The following CD200R1L variants were observed in gnomAD, a reference collection of about 807,000 sequenced individuals.
The protein encoded by CD200R1L is cell surface glycoprotein CD200 receptor 2.
In CD200R1L, 14 loss-of-function variants were observed where a neutral mutation model predicts 24.8. That is an observed-to-expected ratio of 0.56 (90% CI 0.37 to 0.88). The LOEUF is 0.88. Among genes scored for constraint, CD200R1L ranks in the 40% least tolerant of loss-of-function variants. The probability of loss-of-function intolerance (pLI) is 0.00; values close to 1 mark genes in which losing one functional copy is unlikely to be tolerated. For missense variants in CD200R1L, 299 were observed against 297.8 expected (o/e 1.00, Z -0.03); for synonymous variants, 111 against 109.2 (o/e 1.02, Z -0.11).
intron 4 of CD200R1L, among the ~76,000 whole-genome samples, chr3:112,828,392 G>A (rs556385426): frequency 3.3e-5 from 5 of 151,716 alleles, no homozygotes; most frequent in African/African-American, 4.8e-5. Context: ...TCCCATGTAA[G>A]TAAAAAAAAA....
intron 2 of CD200R1L, among the ~76,000 whole-genome samples, chr3:112,840,428 AAAC>A (rs528314940): frequency 1.0e-3 from 153 of 152,324 alleles, no homozygotes; most frequent in African/African-American, 3.2e-3. Context: ...ACACACTTTT[AAAC>A]AACCAGATCT....
Position 112,815,717 on chromosome 3 carries a change from G to C in CD200R1L, c.*246C>G. On this transcript the variant is annotated 3_prime_UTR_variant, in exon 8 of 8. Coordinates refer to ENST00000488794, the MANE Select transcript of CD200R1L (RefSeq NM_001199215.3). ...GTAAAACCAAAAATAACACTGGCAT[G>C]AACAAAATTTTATTCACTCTAACAC... is the stretch of plus-strand genomic sequence containing the variant. The C allele has an allele frequency of 2.1e-6, 1 of 468,986 alleles. No homozygotes were observed. The highest frequency in any genetic ancestry group is 3.9e-6 in the Non-Finnish European group (1 of 258,636). 29.1% of individuals were successfully genotyped at this position (468,986 alleles called of 1,614,324 possible). A position where few individuals can be genotyped will look rare whatever the true frequency, so the allele number is the denominator to read the frequency against.
chr3:112,841,789 G>A (rs1302483005), intron 2 of CD200R1L, among the ~76,000 whole-genome samples: 4 of 152,166 alleles, frequency 2.6e-5, no homozygotes, highest in African/African-American at 9.7e-5. Flanking sequence ...AACACCTGGT[G>A]CTCAATCCTG....
intron 3 of CD200R1L, among the ~76,000 whole-genome samples, chr3:112,835,266 G>GA (rs1938909894): frequency 6.6e-6 from 1 of 152,138 alleles, no homozygotes; most frequent in Non-Finnish European, 1.5e-5. Context: ...GTGTCCTGAT[G>GA]AGTGTTTGGT....
chr3:112,824,185 G>T (rs1438147923), intron 6 of CD200R1L, among the ~76,000 whole-genome samples: 1 of 152,080 alleles, frequency 6.6e-6, no homozygotes, highest in African/African-American at 2.4e-5. Context: ...GAAAGAAAAA[G>T]ACTCAGATGT....
rs767820507 is a variant in CD200R1L at position 112,827,400 on chromosome 3, T to C, written c.334A>G (p.Asn112Asp). The change falls in exon 5 of 8, where the codon AAT becomes GAT. Residue 112 changes from asparagine (N) to aspartate (D), a missense_variant. Asn to Asp is a conservative substitution (Grantham distance 23, BLOSUM62 1). Transcript: ENST00000488794. ...YRGIVVTPDG[N>D]FHRGYHLQVL... ...TGGAGGTGATATCCACGATGGAAATTCCCATCAGGTGTTACCACTATGCCT... is the reference window on the plus strand; with the variant it reads ...TGGAGGTGATATCCACGATGGAAATCCCCATCAGGTGTTACCACTATGCCT... The C allele has an allele frequency of 1.9e-6, 3 of 1,614,018 alleles. No homozygotes were observed. The Admixed American group carries it at 5.0e-5, about 27-fold the overall frequency.
chr3:112,827,837 T>C (rs1412462240), intron 4 of CD200R1L, among the ~76,000 whole-genome samples, 153 bp from the exon 5 acceptor site: 1 of 152,154 alleles, frequency 6.6e-6, no homozygotes, highest in African/African-American at 2.4e-5. Context: ...GAAAATAACA[T>C]TCACAAAATA....
At chr3:112,835,729 C>T (rs1362195634) in intron 3 of CD200R1L, among the ~76,000 whole-genome samples, 2 of 152,238 alleles carry the variant, frequency 1.3e-5, no homozygotes, top group Non-Finnish European at 1.5e-5. Context: ...CTGCCCTCAG[C>T]AACCCCCCTC....
intron 3 of CD200R1L, among the ~76,000 whole-genome samples, chr3:112,833,487 G>A (rs1301520336): frequency 6.6e-6 from 1 of 152,142 alleles, no homozygotes; most frequent in Non-Finnish European, 1.5e-5. Flanking sequence ...GGTGAAGACT[G>A]AGCATCTAAT....
chr3:112,824,960 G>A (rs1023506738), intron 6 of CD200R1L, among the ~76,000 whole-genome samples: 4 of 152,158 alleles, frequency 2.6e-5, no homozygotes, highest in Non-Finnish European at 4.4e-5. Context: ...ATGTAAGGCC[G>A]GGCACGGTGG....
intron 6 of CD200R1L, among the ~76,000 whole-genome samples, chr3:112,825,451 TAATA>T (rs1297953173): frequency 6.7e-6 from 1 of 149,220 alleles, no homozygotes; most frequent in Non-Finnish European, 1.5e-5. Context: ...TTAATAATTA[TAATA>T]AATATTACAA....
chr3:112,823,582 T>G (rs1559921001), intron 6 of CD200R1L, among the ~76,000 whole-genome samples: 1 of 151,924 alleles, frequency 6.6e-6, no homozygotes, highest in Non-Finnish European at 1.5e-5. Flanking sequence ...TCAGAAGCAT[T>G]GTGAATGAAA....
chr3:112,818,129 G>T (rs1938440991), intron 7 of CD200R1L, among the ~76,000 whole-genome samples: 1 of 152,112 alleles, frequency 6.6e-6, no homozygotes, highest in Non-Finnish European at 1.5e-5. Flanking sequence ...AGATTTTTGT[G>T]GGGACACAGC....
chr3:112,844,594 A>G (rs908751597), intron 2 of CD200R1L, among the ~76,000 whole-genome samples: 1 of 152,256 alleles, frequency 6.6e-6, no homozygotes, highest in African/African-American at 2.4e-5. Flanking sequence ...TCAAGAAGTT[A>G]GAAAGATCTC....
chr3:112,829,021 A>G (rs147624648), intron 4 of CD200R1L, among the ~76,000 whole-genome samples: 1 of 152,334 alleles, frequency 6.6e-6, no homozygotes, highest in Non-Finnish European at 1.5e-5. Context: ...ACAGTCAAAT[A>G]ATGATCACAT....
At chr3:112,834,531 A>G (rs6806117) in intron 3 of CD200R1L, among the ~76,000 whole-genome samples, 3,569 of 152,212 alleles carry the variant, frequency 0.023, 135 homozygotes, top group African/African-American at 0.082. Context: ...GCCTTTTGTC[A>G]GGGGTAATTT....
chr3:112,823,009 C>A (rs1938574092), intron 6 of CD200R1L, among the ~76,000 whole-genome samples: 1 of 152,120 alleles, frequency 6.6e-6, no homozygotes, highest in African/African-American at 2.4e-5. Flanking sequence ...GTTAACTGTA[C>A]TCTTAAAATT....
At chr3:112,821,395 G>A (rs1453725927) in intron 6 of CD200R1L, among the ~76,000 whole-genome samples, 1 of 152,222 alleles carries the variant, frequency 6.6e-6, no homozygotes, top group Non-Finnish European at 1.5e-5. Context: ...GCTGAGTCAT[G>A]CAAGCAACTA....
In CD200R1L at chr3:112,827,450, T is replaced by G. The variant is rs200312412; in HGVS notation, c.284A>C (p.Asp95Ala). The change falls in exon 5 of 8, where the codon GAC (aspartate) becomes GCC (alanine). Residue 95 changes from aspartate to alanine, a missense_variant. Coordinates refer to ENST00000488794, the MANE Select transcript of CD200R1L (RefSeq NM_001199215.3). The stretch of plus-strand genomic sequence containing the variant: ...TCTGTAATACCCGTCATGAGTGGTG[T>G]CCACCGGACGAATCTGAAGGTCCGA... ...QNSDLQIRPV[D>A]TTHDGYYRGI... is the part of the protein sequence containing the mutation. 6 of 1,614,194 alleles carry G rather than the reference T, an allele frequency of 3.7e-6. No homozygotes were observed. Among genetic ancestry groups the G allele is most frequent in the Non-Finnish European group, 5.1e-6 (6 of 1,180,030 alleles).
Sources: allele counts gnomAD v4.1 joint callset (sites outside exome capture counted in the v4.1 genomes callset), GRCh38; gene constraint gnomAD v4.1.1; transcripts MANE v1.5; gene names NCBI Gene and HGNC (gene_info 2026-07-23, HGNC 2026-07-21).